Variants in P3H2 observed in about 807,000 individuals in gnomAD.
P3H2 encodes leprecan-like 1.
A neutral mutation model predicts 87.0 loss-of-function variants in P3H2; 80 were observed. That is an observed-to-expected ratio of 0.92 (90% CI 0.77 to 1.11). The LOEUF is 1.11. Among genes scored for constraint, P3H2 ranks in the 50% least tolerant of loss-of-function variants. P3H2 has a pLI of 0.00. For synonymous variants in P3H2, 367 were observed against 359.3 expected, an observed-to-expected ratio of 1.02 and a Z score of -0.24; for missense variants, 1,001 against 923.9, an observed-to-expected ratio of 1.08 and a Z score of -1.08.
chr3:190,101,456 C>CT (rs1711625342), intron 1 of P3H2, among the ~76,000 whole-genome samples: 1 of 148,774 alleles, frequency 6.7e-6, no homozygotes, highest in Admixed American at 6.7e-5. Context: ...GTGAAACAGC[C>CT]TTACTGCTGA....
intron 1 of P3H2, among the ~76,000 whole-genome samples, chr3:190,111,733 T>C (rs184086934): frequency 2.0e-5 from 3 of 152,326 alleles, no homozygotes; most frequent in Admixed American, 2.0e-4. Context: ...TGACTCTTTC[T>C]TTCTTATGAG....
At chr3:189,988,848 T>C in intron 4 of P3H2, 59 bp downstream of exon 4, 1 of 1,599,926 alleles carries the variant, frequency 6.3e-7, no homozygotes, top group Non-Finnish European at 8.6e-7. Flanking sequence ...AAAAATGTGA[T>C]GTCTGTAATG....
chr3:189,980,478 GC>G (rs1723496723), intron 8 of P3H2, among the ~76,000 whole-genome samples: 1 of 151,972 alleles, frequency 6.6e-6, no homozygotes, highest in South Asian at 2.1e-4. Context: ...CAGAAGAATC[GC>G]TTGAACCCAG....
chr3:190,004,193 A>T (rs74493467), intron 1 of P3H2, among the ~76,000 whole-genome samples: 278 of 152,284 alleles, frequency 1.8e-3, no homozygotes, highest in African/African-American at 6.5e-3. Flanking sequence ...TGTATGTTTT[A>T]TATAGTTGGC....
rs1207591882 is a variant in P3H2, at chr3:189,957,017, A to T, written c.*895T>A. ...TCTACATGACCTTTTAAAGTGTACA[A>T]CTTATAGGACAGTCCTTTCTGGAGT... On this transcript the variant is annotated 3_prime_UTR_variant, in exon 15 of 15. Coordinates refer to ENST00000319332, the MANE Select transcript of P3H2 (RefSeq NM_018192.4). 1.8e-5 allele frequency: 7 copies of T among 398,082 alleles called. No homozygotes were observed. Among genetic ancestry groups the T allele is most frequent in the Non-Finnish European group, 3.1e-5 (7 of 225,834 alleles). The allele number at this position is 398,082 out of a possible 1,614,324, so 24.7% of individuals were successfully genotyped here. A position where few individuals can be genotyped will look rare whatever the true frequency, so the allele number is the denominator to read the frequency against.
chr3:189,967,159 T>A (rs1306735484), intron 13 of P3H2, among the ~76,000 whole-genome samples: 2 of 152,084 alleles, frequency 1.3e-5, no homozygotes, highest in Admixed American at 1.3e-4. Flanking sequence ...TTATCTACGT[T>A]ATTCCCTAAA....
chr3:190,008,802 C>T (rs898867860), intron 1 of P3H2, among the ~76,000 whole-genome samples: 10 of 151,916 alleles, frequency 6.6e-5, no homozygotes, highest in Admixed American at 4.6e-4. Context: ...CTGTACTGGC[C>T]ATTGGGTAGG....
chr3:189,972,241 G>C (rs892309844), intron 11 of P3H2, among the ~76,000 whole-genome samples: 18 of 152,148 alleles, frequency 1.2e-4, no homozygotes, highest in African/African-American at 3.9e-4. Context: ...AGCTATAAAA[G>C]TTATTTCTGA....
intron 1 of P3H2, among the ~76,000 whole-genome samples, chr3:190,066,098 T>G (rs1577305508): frequency 6.7e-6 from 1 of 150,240 alleles, no homozygotes; most frequent in East Asian, 1.9e-4. Context: ...GTGGAACAGA[T>G]CTAAATGTCC....
At chr3:190,085,714 A>C (rs1272797270) in intron 1 of P3H2, among the ~76,000 whole-genome samples, 1 of 152,272 alleles carries the variant, frequency 6.6e-6, no homozygotes, top group African/African-American at 2.4e-5. Context: ...TACAAAAGTG[A>C]CTTTTGAGTT....
chr3:190,066,022 C>T (rs1342687669), intron 1 of P3H2, among the ~76,000 whole-genome samples: 3 of 151,650 alleles, frequency 2.0e-5, no homozygotes, highest in Non-Finnish European at 4.4e-5. Context: ...TTTGAAGGTT[C>T]CTTTTGGAAT....
At chr3:190,024,550 A>AAAG (rs1553876420) in intron 1 of P3H2, among the ~76,000 whole-genome samples, 6 of 149,036 alleles carry the variant, frequency 4.0e-5, no homozygotes, top group Non-Finnish European at 8.9e-5. Flanking sequence ...AAAAAAAAAA[A>AAAG]AAAGAAAGAA....
rs115466015 is a variant in P3H2 at position 190,030,374 on chromosome 3, T to C, written c.481-34932A>G. On this transcript the variant is annotated intron_variant, in intron 1 of 14. Transcript: ENST00000319332. ...ATGGCTTGAGCCCAGCAGTTCAAGA[T>C]GAGCCTGGGCAACATGGCAAAACCT... 7.9e-3 allele frequency among the ~76,000 whole-genome samples: 1,196 copies of C among 152,296 alleles called. 10 individuals carry two copies. The highest frequency in any genetic ancestry group is 0.014 in the Non-Finnish European group (936 of 68,024).
chr3:190,004,862 A>AT (rs1724338945), intron 1 of P3H2, among the ~76,000 whole-genome samples: 2 of 152,076 alleles, frequency 1.3e-5, no homozygotes, highest in Admixed American at 1.3e-4. Flanking sequence ...TAAAAAAAAA[A>AT]TTTTAGCTGG....
chr3:190,075,742 G>A (rs1035335160), intron 1 of P3H2, among the ~76,000 whole-genome samples: 3 of 152,070 alleles, frequency 2.0e-5, no homozygotes, highest in Non-Finnish European at 4.4e-5. Context: ...ATGTACTTAG[G>A]GTACCTGAAA....
chr3:190,117,446 C>T (rs1291145179), intron 1 of P3H2, among the ~76,000 whole-genome samples: 1 of 152,130 alleles, frequency 6.6e-6, no homozygotes, highest in Non-Finnish European at 1.5e-5. Flanking sequence ...CCAGTCCTCC[C>T]TCACTGAATT....
In P3H2 at chr3:189,956,876, C is replaced by A; in HGVS notation, c.*1036G>T. 5.2e-6 allele frequency: 2 copies of A among 382,820 alleles called. No homozygotes were observed. The highest frequency in any genetic ancestry group is 9.2e-6 in the Non-Finnish European group (2 of 217,038). 23.7% of individuals were successfully genotyped at this position (382,820 alleles called of 1,614,324 possible). Reference sequence around the variant, plus strand: ...ATTTTTCTTATGTAAGTACAAAACACCTCTTTTCATCAGTGGACCCCACTC... The same window carrying A: ...ATTTTTCTTATGTAAGTACAAAACAACTCTTTTCATCAGTGGACCCCACTC... On this transcript the variant is annotated 3_prime_UTR_variant, in exon 15 of 15. Coordinates refer to ENST00000319332, the MANE Select transcript of P3H2 (RefSeq NM_018192.4).
Position 190,060,312 on chromosome 3 carries a change from T to G in P3H2, c.480+59940A>C, listed in dbSNP as rs150500593. Among the ~76,000 whole-genome samples the G allele has an allele frequency of 2.1e-3, 326 of 152,288 alleles. 1 individual carries two copies. The highest frequency in any genetic ancestry group is 7.5e-3 in the African/African-American group (313 of 41,566). On this transcript the variant is annotated intron_variant, in intron 1 of 14. Coordinates refer to ENST00000319332, the MANE Select transcript of P3H2 (RefSeq NM_018192.4). Reference sequence around the variant, plus strand: ...TAATGCAAAGCATCTATTTTAAAACTAGGCTGGAGATCTGTAAGGAAGCTT... The same window carrying G: ...TAATGCAAAGCATCTATTTTAAAACGAGGCTGGAGATCTGTAAGGAAGCTT...
At chr3:190,099,359 A>G (rs1286099633) in intron 1 of P3H2, among the ~76,000 whole-genome samples, 3 of 152,236 alleles carry the variant, frequency 2.0e-5, no homozygotes, top group African/African-American at 7.2e-5. Context: ...TACAACAGAT[A>G]TTGCTTTATA....
Sources: gnomAD v4.1 joint callset for allele counts (sites outside exome capture counted in the v4.1 genomes callset) on GRCh38, gnomAD v4.1.1 for gene constraint, MANE v1.5 for transcripts, NCBI Gene and HGNC (gene_info 2026-07-23, HGNC 2026-07-21) for gene names.